Variants in RTN4 observed in about 807,000 individuals in gnomAD.
RTN4 encodes the protein reticulon-4.
RTN4 carries 32 observed loss-of-function variants against 90.4 expected under a neutral mutation model. The ratio of observed to expected loss-of-function variants is 0.35; its 90% CI spans 0.27 to 0.48. The LOEUF is 0.48. Ranked by LOEUF, RTN4 falls within the 20% of genes least tolerant of loss-of-function variation. The pLI, the probability that RTN4 is intolerant of heterozygous loss-of-function variation, is 0.99. For missense variants in RTN4, 1,706 were observed against 1,430.2 expected, an observed-to-expected ratio of 1.19 and a Z score of -3.11; for synonymous variants, 629 against 552.5, an observed-to-expected ratio of 1.14 and a Z score of -1.94.
chr2:55,120,724 G>A, the RTN4 span, among the ~76,000 whole-genome samples: 5 of 152,122 alleles, frequency 3.3e-5, no homozygotes, highest in African/African-American at 4.8e-5. Flanking sequence ...TAGAGCAACG[G>A]GGAAGGAGAC....
At chr2:54,992,814 A>T (rs546342783) in intron 3 of RTN4, among the ~76,000 whole-genome samples, 1 of 152,282 alleles carries the variant, frequency 6.6e-6, no homozygotes, top group East Asian at 1.9e-4. Context: ...TCACGCCTGT[A>T]ATCTCAGCAC....
At chr2:55,005,523 TTTG>T (rs1558793700) in intron 3 of RTN4, among the ~76,000 whole-genome samples, 1 of 152,130 alleles carries the variant, frequency 6.6e-6, no homozygotes, top group Non-Finnish European at 1.5e-5. Context: ...AAAATAACAA[TTTG>T]TACAATCTTT....
intron 2 of RTN4, chr2:55,056,534 T>C (rs541008703): frequency 1.3e-5 from 2 of 151,934 alleles, no homozygotes; most frequent in African/African-American, 4.8e-5. Context: ...GGGACCAGCT[T>C]GGGCAACATG....
the RTN4 span, among the ~76,000 whole-genome samples, chr2:55,127,434 T>A: frequency 1.3e-5 from 2 of 152,236 alleles, no homozygotes; most frequent in Admixed American, 6.5e-5. Flanking sequence ...TTTGACAACT[T>A]GATCATTTCC....
intron 1 of RTN4, among the ~76,000 whole-genome samples, chr2:55,112,284 A>G (rs914046467): frequency 7.9e-5 from 12 of 152,226 alleles, no homozygotes; most frequent in African/African-American, 2.7e-4. Context: ...ATGTTGCCTC[A>G]TCTACCCCCG....
intron 1 of RTN4, among the ~76,000 whole-genome samples, chr2:55,034,605 C>T (rs1376664904): frequency 1.3e-5 from 2 of 152,006 alleles, no homozygotes; most frequent in Non-Finnish European, 2.9e-5. Flanking sequence ...AAGACACCTA[C>T]AATACAAGAA....
intron 1 of RTN4, among the ~76,000 whole-genome samples, chr2:55,100,769 C>T (rs964633183): frequency 3.9e-5 from 6 of 152,122 alleles, no homozygotes; most frequent in Non-Finnish European, 7.3e-5. Context: ...TTCCACAGCT[C>T]ACTGGCTAGA....
the RTN4 span, among the ~76,000 whole-genome samples, chr2:55,129,111 AAAAAAAAAAAG>A: frequency 2.7e-5 from 4 of 149,852 alleles, no homozygotes; most frequent in South Asian, 4.2e-4. Context: ...CTCCGTCTCA[AAAAAAAAAAAG>A]AAAAAAAAAA....
At chr2:55,062,147 G>A (rs1668307803) in intron 2 of RTN4, among the ~76,000 whole-genome samples, 1 of 151,802 alleles carries the variant, frequency 6.6e-6, no homozygotes, top group Non-Finnish European at 1.5e-5. Context: ...GACTTCCAGC[G>A]GAAAACCATC....
intron 3 of RTN4, among the ~76,000 whole-genome samples, chr2:54,989,117 T>C (rs542653157): frequency 6.6e-6 from 1 of 152,302 alleles, no homozygotes; most frequent in South Asian, 2.1e-4. Context: ...GGTACTTCTG[T>C]AGGGAAAACT....
At chr2:55,009,290 G>A (rs1680462849) in intron 3 of RTN4, among the ~76,000 whole-genome samples, 1 of 151,630 alleles carries the variant, frequency 6.6e-6, no homozygotes, top group Non-Finnish European at 1.5e-5. Context: ...TATTATAAGT[G>A]GTCAGATATA....
chr2:55,041,253 T>A (rs554632280), intron 1 of RTN4, among the ~76,000 whole-genome samples: 130 of 152,234 alleles, frequency 8.5e-4, no homozygotes, highest in African/African-American at 2.1e-3. Flanking sequence ...AAATTTTTTT[T>A]AAATACATGT....
rs1301069585 is a variant in RTN4, at chr2:55,026,092, T to A, written c.2007A>T (p.Lys669Asn). 6.2e-7 allele frequency: 1 copy of A among 1,610,870 alleles called. No homozygotes were observed. The highest frequency in any genetic ancestry group is 1.3e-5 in the African/African-American group (1 of 74,626). ...YEEAMSVSLK[K>N]VSGIKEEIKE... ...TAATTTCTTCCTTTATTCCTGATAC[T>A]TTTTTTAGTGATACACTCATGGCCT... Residue 669 changes from lysine to asparagine, a missense_variant, in exon 3 of 9, where the codon AAA becomes AAT. Coordinates refer to ENST00000337526, the MANE Select transcript of RTN4 (RefSeq NM_020532.5).
intron 2 of RTN4, among the ~76,000 whole-genome samples, chr2:55,073,535 A>G (rs2105019660): frequency 6.6e-6 from 1 of 152,356 alleles, no homozygotes; most frequent in South Asian, 2.1e-4. Context: ...CAACCCCAGT[A>G]TCTTTGGGAA....
At chr2:55,073,690 T>C (rs1668552594) in intron 2 of RTN4, among the ~76,000 whole-genome samples, 1 of 152,268 alleles carries the variant, frequency 6.6e-6, no homozygotes, top group Non-Finnish European at 1.5e-5. Context: ...TTCAGACTGC[T>C]CATATCAATG....
chr2:55,063,654 G>T (rs991523375), intron 2 of RTN4, among the ~76,000 whole-genome samples: 3 of 152,064 alleles, frequency 2.0e-5, no homozygotes, highest in African/African-American at 7.2e-5. Flanking sequence ...GCCAAGGTGG[G>T]TGGATCACCT....
chr2:55,057,049 A>G (rs1291800686), intron 2 of RTN4, among the ~76,000 whole-genome samples: 1 of 152,198 alleles, frequency 6.6e-6, no homozygotes, highest in Non-Finnish European at 1.5e-5. Flanking sequence ...AAAATGCACA[A>G]ACACAAAACA....
chr2:55,002,935 C>T (rs1349543047), intron 3 of RTN4, among the ~76,000 whole-genome samples: 1 of 152,144 alleles, frequency 6.6e-6, no homozygotes, highest in African/African-American at 2.4e-5. Flanking sequence ...TAAACTGGTT[C>T]AATGTATAAT....
intron 2 of RTN4, among the ~76,000 whole-genome samples, chr2:55,063,888 A>G (rs1209306456): frequency 6.6e-6 from 1 of 150,922 alleles, no homozygotes; most frequent in Non-Finnish European, 1.5e-5. Flanking sequence ...AAAAAAAAAA[A>G]AGTTACTCTG....
Sources: gnomAD v4.1 joint callset for allele counts (sites outside exome capture counted in the v4.1 genomes callset) on GRCh38, gnomAD v4.1.1 for gene constraint, MANE v1.5 for transcripts, NCBI Gene and HGNC (gene_info 2026-07-23, HGNC 2026-07-21) for gene names.